PTPRN2: variants seen among roughly 807,000 people sequenced by gnomAD.
PTPRN2 encodes the protein protein tyrosine phosphatase receptor type N2.
A neutral mutation model predicts 118.8 loss-of-function variants in PTPRN2; 74 were observed. That is an observed-to-expected ratio of 0.62 (90% CI 0.52 to 0.76). The LOEUF (loss-of-function observed/expected upper bound fraction) is 0.76, where lower values mean the gene tolerates loss of function less well. PTPRN2 is among the 30% of genes least tolerant of loss of function. The pLI is 0.00. For synonymous variants in PTPRN2, 641 were observed against 608.0 expected, an observed-to-expected ratio of 1.05 and a Z score of -0.80; for missense variants, 1,481 against 1,394.4, an observed-to-expected ratio of 1.06 and a Z score of -0.99.
intron 11 of PTPRN2, among the ~76,000 whole-genome samples, chr7:158,037,517 C>T (rs375805981): frequency 1.3e-5 from 2 of 152,150 alleles, no homozygotes; most frequent in African/African-American, 4.8e-5. Context: ...TGTTACTGTT[C>T]CGAGTACTGT....
intron 12 of PTPRN2, among the ~76,000 whole-genome samples, chr7:157,697,612 G>A (rs1160862038): frequency 1.1e-3 from 90 of 85,526 alleles, no homozygotes; most frequent in Non-Finnish European, 1.1e-3. Context: ...TGCATACTGG[G>A]TCTTAGTAGA....
intron 3 of PTPRN2, among the ~76,000 whole-genome samples, chr7:158,264,456 C>G (rs530760639): frequency 6.6e-6 from 1 of 152,296 alleles, no homozygotes; most frequent in South Asian, 2.1e-4. Flanking sequence ...TGGACACACA[C>G]AGCCTGAAGT....
intron 12 of PTPRN2, among the ~76,000 whole-genome samples, chr7:157,792,910 C>T (rs12154686): frequency 0.038 from 5,810 of 152,338 alleles, 165 homozygotes; most frequent in Non-Finnish European, 0.057. Flanking sequence ...GCGGATCAAT[C>T]TCCCAGGGCC....
intron 12 of PTPRN2, among the ~76,000 whole-genome samples, chr7:157,896,199 A>G (rs1194857301): frequency 1.3e-4 from 19 of 141,742 alleles, no homozygotes; most frequent in African/African-American, 4.9e-4. Flanking sequence ...CAGATCCCCC[A>G]ATCCAAGCAG....
chr7:157,595,606 C>G (rs534558120), intron 16 of PTPRN2, among the ~76,000 whole-genome samples: 1 of 115,020 alleles, frequency 8.7e-6, no homozygotes, highest in African/African-American at 3.8e-5. Context: ...TTAGGAAGCC[C>G]GGAGGTTAGG....
At chr7:157,665,789 G>C (rs1386426252) in intron 13 of PTPRN2, among the ~76,000 whole-genome samples, 1 of 152,196 alleles carries the variant, frequency 6.6e-6, no homozygotes, top group Non-Finnish European at 1.5e-5. Context: ...ATACACCATG[G>C]AATACTATGC....
At chr7:157,802,008 C>G (rs12698108) in intron 12 of PTPRN2, among the ~76,000 whole-genome samples, 25,914 of 152,096 alleles carry the variant, frequency 0.17, 2,539 homozygotes, top group African/African-American at 0.25. Flanking sequence ...GACTTCTCGG[C>G]GTGCAGCTCC....
intron 3 of PTPRN2, among the ~76,000 whole-genome samples, chr7:158,287,833 G>A (rs1038009847): frequency 1.3e-5 from 2 of 152,042 alleles, no homozygotes; most frequent in African/African-American, 4.8e-5. Flanking sequence ...TGTCCATTTG[G>A]TCTAAAAGTA....
rs1467534227 is a variant in PTPRN2, at chr7:157,729,531, C to T, written c.1789-46594G>A. ...AGGTGGGCACTGTGCTGGTGCTGTCCGAGTGGAGCCTCTGGTGAGCCGGAC... is the reference window on the plus strand; with the variant it reads ...AGGTGGGCACTGTGCTGGTGCTGTCTGAGTGGAGCCTCTGGTGAGCCGGAC... On this transcript the variant is annotated intron_variant, in intron 12 of 22. Transcript: ENST00000389418. This position sits in a 1 kb window ranked among gnomAD's most constrained non-coding sequence, Gnocchi z 4.3. Among the ~76,000 whole-genome samples the T allele has an allele frequency of 2.0e-5, 3 of 152,186 alleles. No homozygotes were observed. Among genetic ancestry groups the T allele is most frequent in the Non-Finnish European group, 4.4e-5 (3 of 68,032 alleles).
chr7:157,917,101 T>G (rs1195900903), intron 11 of PTPRN2, among the ~76,000 whole-genome samples: 1 of 143,304 alleles, frequency 7.0e-6, no homozygotes, highest in Non-Finnish European at 1.5e-5. Flanking sequence ...CCAGGACACG[T>G]CCAACACACG....
chr7:158,340,949 T>A (rs1350453941), intron 2 of PTPRN2, among the ~76,000 whole-genome samples: 1 of 82,334 alleles, frequency 1.2e-5, no homozygotes, highest in Non-Finnish European at 2.6e-5. Flanking sequence ...ACTCTCACCA[T>A]AAGAGCTGAC....
intron 12 of PTPRN2, among the ~76,000 whole-genome samples, chr7:157,753,068 C>T (rs891615960): frequency 6.6e-6 from 1 of 152,212 alleles, no homozygotes; most frequent in Non-Finnish European, 1.5e-5. Flanking sequence ...GGAGGAAAGG[C>T]GGGGTGTCGG....
In PTPRN2 at chr7:157,572,109, A is replaced by T. The variant is rs935856176; in HGVS notation, c.2784-616T>A. Among the ~76,000 whole-genome samples the T allele has an allele frequency of 6.6e-5, 10 of 152,244 alleles. No homozygotes were observed. In the East Asian group the frequency reaches 1.7e-3, roughly 26 times the overall value. ...AGAGTTTAGATCAGAAGTTGTAAAA[A>T]TTAGAAATGAGCATATATTTAAGAT... On this transcript the variant is annotated intron_variant, in intron 19 of 22. Coordinates refer to ENST00000389418, the MANE Select transcript of PTPRN2 (RefSeq NM_002847.5).
Position 157,841,228 on chromosome 7 carries a change from A to G in PTPRN2, c.1788+57445T>C, listed in dbSNP as rs537034595. On this transcript the variant is annotated intron_variant, in intron 12 of 22. Transcript: ENST00000389418. ...ATTCAGGCTGTTTTTGGAACAGGCT[A>G]TGGGGTCTTGAAAGCTTCTTCACCG... Among the ~76,000 whole-genome samples the G allele has an allele frequency of 1.8e-4, 28 of 152,316 alleles. 2 individuals are homozygous for G. In the South Asian group the frequency reaches 4.2e-3, roughly 23 times the overall value.
rs567378082 is a variant in PTPRN2 at position 158,517,314 on chromosome 7, C to A, written c.113-27529G>T. Among the ~76,000 whole-genome samples, 10 of 152,322 alleles carry A rather than the reference C, an allele frequency of 6.6e-5. No homozygotes were observed. The East Asian group carries it at 1.9e-3, about 29-fold the overall frequency. On this transcript the variant is annotated intron_variant, in intron 1 of 22. Transcript: ENST00000389418. This position sits in a 1 kb window ranked among gnomAD's most constrained non-coding sequence, Gnocchi z 5.3. ...GAGGAGGCAGAGTGCGGGCAGCGCC[C>A]CCTCACAGAACCGCAGCAACGACAC...
At chr7:158,257,644 C>A (rs1393069388) in intron 3 of PTPRN2, among the ~76,000 whole-genome samples, 1 of 152,234 alleles carries the variant, frequency 6.6e-6, no homozygotes, top group Non-Finnish European at 1.5e-5. Flanking sequence ...AAGCCCACTT[C>A]GCTCAGCCTG....
At chr7:157,820,373 C>G (rs1806747855) in intron 12 of PTPRN2, among the ~76,000 whole-genome samples, 1 of 147,030 alleles carries the variant, frequency 6.8e-6, no homozygotes, top group African/African-American at 2.5e-5. Flanking sequence ...ACAGCAGACC[C>G]ATATATATGC....
In PTPRN2 at chr7:157,550,441, G is replaced by A. The variant is rs1285811857; in HGVS notation, c.2903-1422C>T. Among the ~76,000 whole-genome samples the A allele has an allele frequency of 1.3e-5, 2 of 152,244 alleles. No individual in the cohort carries two copies. The highest frequency in any genetic ancestry group is 4.8e-5 in the African/African-American group (2 of 41,472). ...TTTGCATGAAGGGAGAACAAAGCAG[G>A]TGGTGTGGAGAATCTGGCTGTCAGG... On this transcript the variant is annotated intron_variant, in intron 21 of 22. Transcript: ENST00000389418. The surrounding 1 kb of genome is among the most constrained non-coding windows in gnomAD (Gnocchi z 5.2).
Position 158,571,264 on chromosome 7 carries a change from C to T in PTPRN2, c.112+16294G>A, listed in dbSNP as rs555282851. On this transcript the variant is annotated intron_variant, in intron 1 of 22. Coordinates refer to ENST00000389418, the MANE Select transcript of PTPRN2 (RefSeq NM_002847.5). ...CTTTGGGAGGCCGAGGTGGGTGGAT[C>T]ACCTGAGGTCAGGAGTTTGAGACCA... Among the ~76,000 whole-genome samples, 29 of 151,938 alleles carry T rather than the reference C, an allele frequency of 1.9e-4. No homozygotes were observed. The South Asian group carries it at 5.0e-3, about 26-fold the overall frequency.
Sources: gnomAD v4.1 joint callset for allele counts (sites outside exome capture counted in the v4.1 genomes callset) on GRCh38, gnomAD v4.1.1 for gene constraint, Gnocchi (gnomAD v3.1) non-coding constraint, MANE v1.5 for transcripts, NCBI Gene and HGNC (gene_info 2026-07-23, HGNC 2026-07-21) for gene names.